Variants in PNPLA8 observed in about 807,000 individuals in gnomAD.
PNPLA8 encodes the protein patatin like domain 8, phospholipase A2.
Under a neutral mutation model 76.9 loss-of-function variants are expected in PNPLA8, and 39 were observed. The ratio of observed to expected loss-of-function variants is 0.51; its 90% CI spans 0.39 to 0.66. The LOEUF is 0.66. PNPLA8 is among the 30% of genes least tolerant of loss of function. The pLI is 0.00. For missense variants in PNPLA8, 887 were observed against 918.0 expected (o/e 0.97, Z 0.44); for synonymous variants, 301 against 307.9 (o/e 0.98, Z 0.24).
chr7:108,525,884 CTCCCCAAAGCCTGGCGTG>C (rs1023891706), intron 1 of PNPLA8, 127 bp downstream of exon 1: 10 of 222,596 alleles, frequency 4.5e-5, no homozygotes, highest in Non-Finnish European at 7.6e-5. Context: ...GCGCCAGCTC[CTCCCCAAAGCCTGGCGTG>C]TCCCCACCCT....
rs558309190 is a variant in PNPLA8 at position 108,515,224 on chromosome 7, C to G, written c.268G>C (p.Ala90Pro). Residue 90 changes from alanine (A) to proline (P), a missense_variant, in exon 3 of 11, where the codon GCT becomes CCT. Transcript: ENST00000257694. ...HIGILKLSTSAPKGLTKVNIC... is the reference protein window; with the variant it reads ...HIGILKLSTSPPKGLTKVNIC... The stretch of plus-strand genomic sequence containing the variant: ...TTCACTTTTGTAAGTCCCTTGGGAG[C>G]AGAAGTGCTAAGTTTCAAAATCCCA... 6 of 1,602,404 alleles carry G rather than the reference C, an allele frequency of 3.7e-6. No homozygotes were observed. Among genetic ancestry groups the G allele is most frequent in the Admixed American group, 1.7e-5 (1 of 58,600 alleles).
At chr7:108,512,610 T>C (rs1433621847) in intron 4 of PNPLA8, among the ~76,000 whole-genome samples, 1 of 152,308 alleles carries the variant, frequency 6.6e-6, no homozygotes, top group Admixed American at 6.5e-5. Context: ...AAAAATTCTA[T>C]CATTTTTAAA....
Position 108,514,436 on chromosome 7 carries a change from C to T in PNPLA8, c.1056G>A (p.Lys352=). The T allele has an allele frequency of 6.3e-7, 1 of 1,599,422 alleles. No individual in the cohort carries two copies. Among genetic ancestry groups the T allele is most frequent in the Non-Finnish European group, 8.5e-7 (1 of 1,173,756 alleles). ...CCGAAAAGCACACTGAACAACTTGC[C>T]TTTTCTCGCTGAAGAGATAAACGCT... The part of the protein sequence containing the change: ...EKKRLSLQRE[K]IIARVSIDNR... Residue 352 remains lysine, a splice_region_variant and synonymous_variant, in exon 3 of 11, where the codon AAG becomes AAA. Transcript: ENST00000257694.
intron 9 of PNPLA8, among the ~76,000 whole-genome samples, chr7:108,482,769 T>TTAAGATCCAAAAAAAAGCAGTAA (rs1272753838): frequency 2.6e-5 from 4 of 152,376 alleles, no homozygotes; most frequent in African/African-American, 7.2e-5. Flanking sequence ...TTGGATCTAC[T>TTAAGATCCAAAAAAAAGCAGTAA]GTAAACTGTA....
intron 5 of PNPLA8, among the ~76,000 whole-genome samples, chr7:108,498,339 A>T (rs1218920768): frequency 6.6e-6 from 1 of 151,426 alleles, no homozygotes; most frequent in African/African-American, 2.4e-5. Context: ...CACTGGGCTC[A>T]CTGCAACCTC....
At chr7:108,517,560 G>A (rs1252934806) in intron 2 of PNPLA8, among the ~76,000 whole-genome samples, 2 of 152,178 alleles carry the variant, frequency 1.3e-5, no homozygotes, top group Non-Finnish European at 2.9e-5. Flanking sequence ...GTATGTGTAT[G>A]TGCCACAGAC....
At chr7:108,487,676 TC>T (rs1271797920) in intron 9 of PNPLA8, 82 bp downstream of exon 9, 3 of 758,288 alleles carry the variant, frequency 4.0e-6, no homozygotes, top group Non-Finnish European at 6.3e-6. Context: ...GGTTGATCCT[TC>T]TGAAGATCAA....
At chr7:108,526,538 C>A (rs1219444455), upstream of PNPLA8, among the ~76,000 whole-genome samples, 1 of 152,224 alleles carries the variant, frequency 6.6e-6, no homozygotes, top group Admixed American at 6.5e-5. Flanking sequence ...ATAAGCCTCC[C>A]TCTCCGCGTC....
chr7:108,489,651 C>A (rs1336463254), intron 8 of PNPLA8, among the ~76,000 whole-genome samples: 1 of 152,164 alleles, frequency 6.6e-6, no homozygotes, highest in Non-Finnish European at 1.5e-5. Context: ...ACAAATGAAT[C>A]CAAAGTGCCT....
chr7:108,513,197 C>T (rs1863062313), intron 4 of PNPLA8, among the ~76,000 whole-genome samples: 1 of 151,990 alleles, frequency 6.6e-6, no homozygotes, highest in South Asian at 2.1e-4. Flanking sequence ...AAGATCTTTG[C>T]TTTCAGTATA....
intron 1 of PNPLA8, among the ~76,000 whole-genome samples, chr7:108,523,802 C>T (rs1863904433): frequency 6.6e-6 from 1 of 152,138 alleles, no homozygotes; most frequent in African/African-American, 2.4e-5. Context: ...GGGGCTCTGA[C>T]ACCTCACCCA....
At chr7:108,526,984 A>G (rs111664038), upstream of PNPLA8, among the ~76,000 whole-genome samples, 324 of 152,366 alleles carry the variant, frequency 2.1e-3, no homozygotes, top group African/African-American at 7.0e-3. Context: ...ATTCCTATAC[A>G]TGCTGTTAAT....
chr7:108,481,428 ATT>A (rs1311805243), intron 9 of PNPLA8, among the ~76,000 whole-genome samples: 5 of 152,064 alleles, frequency 3.3e-5, no homozygotes, highest in South Asian at 4.2e-4. Context: ...GCATTTCATC[ATT>A]GTTTTAATTT....
At chr7:108,494,521 C>T (rs993428481) in intron 7 of PNPLA8, among the ~76,000 whole-genome samples, 2 of 152,192 alleles carry the variant, frequency 1.3e-5, no homozygotes, top group African/African-American at 2.4e-5. Context: ...GCTCCAACCA[C>T]GTTGCTGCAA....
In PNPLA8 at chr7:108,498,794, T is replaced by A. The variant is rs546849372; in HGVS notation, c.1359-1217A>T. Among the ~76,000 whole-genome samples, 307 of 152,240 alleles carry A rather than the reference T, an allele frequency of 2.0e-3. 1 individual carries two copies. The highest frequency in any genetic ancestry group is 3.7e-3 in the Non-Finnish European group (249 of 68,016). On this transcript the variant is annotated intron_variant, in intron 5 of 10. Coordinates refer to ENST00000257694, the MANE Select transcript of PNPLA8 (RefSeq NM_001256007.3). ...GAGGGTGTATGTACCATGTAAACTG[T>A]CATGTGTGTATCATGACAATTTTTA... is the stretch of plus-strand genomic sequence containing the variant.
chr7:108,525,968 G>A, intron 1 of PNPLA8, 61 bp downstream of exon 1: 1 of 772,290 alleles, frequency 1.3e-6, no homozygotes, highest in Non-Finnish European at 1.6e-6. Flanking sequence ...CGCCGGACAA[G>A]GGTCCAGAAC....
intron 4 of PNPLA8, among the ~76,000 whole-genome samples, chr7:108,506,248 C>T (rs912829610): frequency 8.6e-5 from 13 of 151,940 alleles, no homozygotes; most frequent in South Asian, 8.3e-4. Context: ...TGTGGTGGTG[C>T]GCACCTGTAA....
At chr7:108,526,231 G>T (rs962358761), upstream of PNPLA8, 6 of 321,218 alleles carry the variant, frequency 1.9e-5, no homozygotes, top group African/African-American at 1.1e-4. Flanking sequence ...GCGGGCCGGG[G>T]TGAGGATTTT....
intron 7 of PNPLA8, among the ~76,000 whole-genome samples, chr7:108,493,655 T>C (rs1200563222): frequency 1.3e-5 from 2 of 150,320 alleles, no homozygotes; most frequent in African/African-American, 2.5e-5. Context: ...TATTTTCTAA[T>C]TGACACAAAA....
Sources: allele counts gnomAD v4.1 joint callset (sites outside exome capture counted in the v4.1 genomes callset), GRCh38; gene constraint gnomAD v4.1.1; transcripts MANE v1.5; gene names NCBI Gene and HGNC (gene_info 2026-07-23, HGNC 2026-07-21).